METTL15: variants seen among roughly 807,000 people sequenced by gnomAD.
METTL15 encodes 12S rRNA N(4)-cytidine methyltransferase METTL15.
In METTL15, 34 loss-of-function variants were observed where a neutral mutation model predicts 38.3. The observed-to-expected ratio is 0.89, with a 90% CI of 0.68 to 1.18. The LOEUF is 1.18. METTL15 is among the 50% of genes most tolerant of loss of function. The probability of loss-of-function intolerance (pLI) is 0.00; values close to 1 mark genes in which losing one functional copy is unlikely to be tolerated. For missense variants in METTL15, 438 were observed against 498.4 expected (o/e 0.88, Z 1.15); for synonymous variants, 162 against 170.9 (o/e 0.95, Z 0.41).
intron 6 of METTL15, chr11:28,519,014 G>C (rs1851742188): frequency 6.6e-6 from 1 of 152,192 alleles, no homozygotes; most frequent in Admixed American, 6.5e-5. Context: ...GAGAGTCATT[G>C]CTTTTATCAG....
At chr11:28,409,420 A>G (rs1564923208) in intron 5 of METTL15, among the ~76,000 whole-genome samples, 1 of 151,104 alleles carries the variant, frequency 6.6e-6, no homozygotes, top group Admixed American at 6.6e-5. Context: ...TATTTATATC[A>G]TATGTAATAT....
chr11:28,129,505 G>C (rs1590771826), intron 3 of METTL15, among the ~76,000 whole-genome samples: 1 of 151,796 alleles, frequency 6.6e-6, no homozygotes, highest in South Asian at 2.1e-4. Context: ...CTCCTCCCAG[G>C]TTCAAGAGAT....
Position 28,333,097 on chromosome 11 carries a change from C to T in METTL15, c.*2256C>T. On this transcript the variant is annotated 3_prime_UTR_variant, in exon 7 of 7. Transcript: ENST00000407364. ...CCTCAGAGTTCCAGTAGTTGCCAACCCTGCTAACATGGTTTTGCACATCTA... is the reference window on the plus strand; with the variant it reads ...CCTCAGAGTTCCAGTAGTTGCCAACTCTGCTAACATGGTTTTGCACATCTA... The T allele has an allele frequency of 6.6e-6, 1 of 151,282 alleles. No homozygotes were observed. Among genetic ancestry groups the T allele is most frequent in the East Asian group, 1.9e-4 (1 of 5,158 alleles). The allele number at this position is 151,282 out of a possible 1,614,324, so 9.4% of individuals were successfully genotyped here. A position where few individuals can be genotyped will look rare whatever the true frequency, so the allele number is the denominator to read the frequency against.
At chr11:28,139,277 G>A (rs1849617164) in intron 3 of METTL15, among the ~76,000 whole-genome samples, 1 of 152,142 alleles carries the variant, frequency 6.6e-6, no homozygotes, top group South Asian at 2.1e-4. Context: ...AGGAATCCCA[G>A]TGATTCAGGA....
intron 4 of METTL15, among the ~76,000 whole-genome samples, chr11:28,358,959 G>A (rs928362217): frequency 1.3e-5 from 2 of 152,028 alleles, no homozygotes; most frequent in Non-Finnish European, 2.9e-5. Flanking sequence ...AGATTCAGAG[G>A]GTACATGTGT....
intron 4 of METTL15, among the ~76,000 whole-genome samples, chr11:28,281,220 T>G (rs1856041749): frequency 6.6e-6 from 1 of 152,174 alleles, no homozygotes; most frequent in South Asian, 2.1e-4. Context: ...TTTCAGTACT[T>G]GTGTAATAAT....
intron 6 of METTL15, among the ~76,000 whole-genome samples, chr11:28,470,209 T>TC (rs1343126800): frequency 6.6e-6 from 1 of 152,140 alleles, no homozygotes; most frequent in Non-Finnish European, 1.5e-5. Flanking sequence ...GAATGCTTTT[T>TC]CCCCCTTGCT....
intron 4 of METTL15, among the ~76,000 whole-genome samples, chr11:28,223,380 A>G (rs1853332838): frequency 6.6e-6 from 1 of 152,152 alleles, no homozygotes; most frequent in Admixed American, 6.5e-5. Flanking sequence ...CATGAGAAAG[A>G]AAAACACAAA....
At chr11:28,174,825 A>T (rs1288643384) in intron 3 of METTL15, among the ~76,000 whole-genome samples, 20 of 146,060 alleles carry the variant, frequency 1.4e-4, no homozygotes, top group Non-Finnish European at 2.3e-4. Context: ...AAAAAAAAAA[A>T]AAAAACATAA....
intron 3 of METTL15, among the ~76,000 whole-genome samples, chr11:28,115,003 G>C (rs144527048): frequency 1.7e-4 from 26 of 152,280 alleles, no homozygotes; most frequent in African/African-American, 5.8e-4. Context: ...TGGAGACAAA[G>C]ATATGAATCT....
chr11:28,156,657 G>A (rs1175863179), intron 3 of METTL15, among the ~76,000 whole-genome samples: 3 of 152,080 alleles, frequency 2.0e-5, no homozygotes, highest in Admixed American at 6.5e-5. Context: ...ATGTGTACAA[G>A]GTTAATTTTT....
chr11:28,382,414 A>G lies in METTL15; in HGVS notation c.*358+20378A>G, dbSNP rs184793572. On this transcript the variant is annotated intron_variant and NMD_transcript_variant, in intron 5 of 7. Transcript: ENST00000532947. ...GGCGAGGCAGGTATCCCATGAAAAAACCCAAAATGGCTAGGAAGATGGTTG... is the reference window on the plus strand; with the variant it reads ...GGCGAGGCAGGTATCCCATGAAAAAGCCCAAAATGGCTAGGAAGATGGTTG... Among the ~76,000 whole-genome samples the G allele has an allele frequency of 1.4e-3, 213 of 151,966 alleles. 1 individual carries two copies. Among genetic ancestry groups the G allele is most frequent in the Admixed American group, 8.3e-3 (126 of 15,248 alleles).
intron 5 of METTL15, among the ~76,000 whole-genome samples, chr11:28,407,347 A>G (rs1393672820): frequency 6.6e-6 from 1 of 152,228 alleles, no homozygotes; most frequent in African/African-American, 2.4e-5. Context: ...CTGCACAGCA[A>G]AAGAAACTAT....
intron 6 of METTL15, among the ~76,000 whole-genome samples, chr11:28,441,371 A>AC (rs1164701803): frequency 6.6e-6 from 1 of 152,128 alleles, no homozygotes; most frequent in Non-Finnish European, 1.5e-5. Context: ...AAAGGCAAAG[A>AC]CACAGACCCT....
intron 5 of METTL15, among the ~76,000 whole-genome samples, chr11:28,362,700 T>G (rs1590345255): frequency 6.6e-6 from 1 of 152,222 alleles, no homozygotes; most frequent in East Asian, 1.9e-4. Context: ...GGCATGATTT[T>G]GTTCTTTTTT....
At chr11:28,188,975 T>C (rs1452982622) in intron 3 of METTL15, among the ~76,000 whole-genome samples, 5 of 151,364 alleles carry the variant, frequency 3.3e-5, no homozygotes, top group Non-Finnish European at 4.4e-5. Flanking sequence ...AATGTTTACA[T>C]TTGTAAAATA....
intron 6 of METTL15, among the ~76,000 whole-genome samples, chr11:28,502,100 CAA>C (rs371738355): frequency 5.0e-5 from 6 of 121,008 alleles, no homozygotes; most frequent in Non-Finnish European, 6.8e-5. Context: ...GACTCTGTCT[CAA>C]AAAAAAAAAA....
chr11:28,271,515 A>G (rs1189293201), intron 4 of METTL15, among the ~76,000 whole-genome samples: 1 of 151,940 alleles, frequency 6.6e-6, no homozygotes, highest in Non-Finnish European at 1.5e-5. Context: ...CTAGTGGCCT[A>G]ACGATCCACA....
chr11:28,264,372 CA>C (rs1215603361), intron 4 of METTL15, among the ~76,000 whole-genome samples: 1 of 151,906 alleles, frequency 6.6e-6, no homozygotes, highest in East Asian at 1.9e-4. Flanking sequence ...ATAATTAAAG[CA>C]ATATAATTAG....
Sources: allele counts gnomAD v4.1 joint callset (sites outside exome capture counted in the v4.1 genomes callset), GRCh38; gene constraint gnomAD v4.1.1; transcripts MANE v1.5; gene names NCBI Gene and HGNC (gene_info 2026-07-23, HGNC 2026-07-21).